Variants in APTX observed in about 807,000 individuals in gnomAD.
APTX encodes aprataxin, also known as forkhead-associated domain histidine triad-like protein.
A neutral mutation model predicts 42.3 loss-of-function variants in APTX; 33 were observed. The observed-to-expected ratio is 0.78, with a 90% confidence interval of 0.59 to 1.04. APTX has a LOEUF of 1.04. APTX is among the 50% of genes least tolerant of loss of function. The pLI is 0.00. For missense variants in APTX, 421 were observed against 415.1 expected, an observed-to-expected ratio of 1.01 and a Z score of -0.12; for synonymous variants, 130 against 146.7, an observed-to-expected ratio of 0.89 and a Z score of 0.82.
At chr9:32,973,711 C>CAAAAAAAAAAAA (rs34659850) in intron 7 of APTX, 59 bp from the exon 8 acceptor site, 28 of 1,331,872 alleles carry the variant, frequency 2.1e-5, no homozygotes, top group African/African-American at 1.3e-4. Flanking sequence ...TATGAGATAC[C>CAAAAAAAAAAAA]AAAAAAAAAA....
intron 1 of APTX, among the ~76,000 whole-genome samples, chr9:32,993,068 A>G (rs1372391017): frequency 1.3e-5 from 2 of 152,210 alleles, no homozygotes; most frequent in Non-Finnish European, 2.9e-5. Context: ...CATACTGACA[A>G]TAAGAGAAGC....
chr9:32,989,730 G>A (rs748101403), intron 2 of APTX, 29 bp downstream of exon 2: 1 of 1,614,122 alleles, frequency 6.2e-7, no homozygotes, highest in Non-Finnish European at 8.5e-7. Context: ...CATAACCATA[G>A]TAATCTCCAC....
upstream of APTX, among the ~76,000 whole-genome samples, chr9:33,004,845 T>G (rs936407083): frequency 6.6e-6 from 1 of 151,776 alleles, no homozygotes; most frequent in African/African-American, 2.4e-5. Flanking sequence ...TTTCACCATA[T>G]TGGCCAGGCT....
chr9:32,985,326 G>GTTTTTTTTTT (rs5897530), intron 5 of APTX, among the ~76,000 whole-genome samples: 1 of 103,078 alleles, frequency 9.7e-6, no homozygotes, highest in Non-Finnish European at 1.9e-5. Flanking sequence ...GATGATGCCT[G>GTTTTTTTTTT]TTTTTTTTTT....
At chr9:32,992,510 C>G (rs1240809120) in intron 1 of APTX, among the ~76,000 whole-genome samples, 2 of 152,158 alleles carry the variant, frequency 1.3e-5, no homozygotes, top group African/African-American at 4.8e-5. Flanking sequence ...AGTGACAACA[C>G]AGATTTCGGC....
chr9:33,020,911 C>T (rs2119319857), intron 1 of APTX, among the ~76,000 whole-genome samples: 1 of 152,278 alleles, frequency 6.6e-6, no homozygotes, highest in East Asian at 1.9e-4. Flanking sequence ...GGGCAGATCA[C>T]CTGAGGTTGG....
chr9:33,005,817 T>A (rs916000739), upstream of APTX, among the ~76,000 whole-genome samples: 1 of 152,182 alleles, frequency 6.6e-6, no homozygotes, highest in Admixed American at 6.5e-5. Flanking sequence ...AACAATATCA[T>A]TTGTTGAAAA....
intron 1 of APTX, among the ~76,000 whole-genome samples, chr9:33,000,842 T>TTC (rs1244891968): frequency 1.2e-4 from 14 of 119,980 alleles, no homozygotes; most frequent in South Asian, 4.9e-4. Context: ...TTTTTTTTTT[T>TTC]TTCTTTTTTT....
chr9:32,973,702 A>G, intron 7 of APTX, 50 bp from the exon 8 acceptor site: 1 of 1,545,488 alleles, frequency 6.5e-7, no homozygotes, highest in Non-Finnish European at 8.7e-7. Context: ...GAAAACCAAT[A>G]TGAGATACCA....
rs1828373649 is a variant in APTX, at chr9:32,972,848, A to G, written c.*650T>C. 1 of 454,014 alleles carries G rather than the reference A, an allele frequency of 2.2e-6. No individual in the cohort carries two copies. The allele number at this position is 454,014 out of a possible 1,614,324, so 28.1% of individuals were successfully genotyped here. Reference sequence around the variant, plus strand: ...GACGAACATGTGGCTGTTTCCTCACAGCCAGGAACCCTCGGTATTAGAAGA... The same window carrying G: ...GACGAACATGTGGCTGTTTCCTCACGGCCAGGAACCCTCGGTATTAGAAGA... On this transcript the variant is annotated 3_prime_UTR_variant, in exon 8 of 8. Transcript: ENST00000379817.
intron 1 of APTX, among the ~76,000 whole-genome samples, chr9:33,020,489 C>T (rs747529235): frequency 6.6e-6 from 1 of 152,188 alleles, no homozygotes; most frequent in Non-Finnish European, 1.5e-5. Flanking sequence ...AAGAATCCAA[C>T]CTTCGCATTA....
chr9:33,021,401 A>C (rs1370447705), intron 1 of APTX, among the ~76,000 whole-genome samples: 2 of 152,238 alleles, frequency 1.3e-5, no homozygotes, highest in Non-Finnish European at 2.9e-5. Context: ...TTTGGGGGGA[A>C]TCTGCCAGAA....
chr9:33,015,219 A>G (rs1359111691), intron 1 of APTX, among the ~76,000 whole-genome samples: 1 of 152,230 alleles, frequency 6.6e-6, no homozygotes, highest in Non-Finnish European at 1.5e-5. Context: ...TTCAATGTTT[A>G]TAATACATTA....
chr9:32,994,092 A>C lies in APTX; in HGVS notation c.-4-4197T>G, dbSNP rs1888868. Among the ~76,000 whole-genome samples, 8 of 152,336 alleles carry C rather than the reference A, an allele frequency of 5.3e-5. No individual in the cohort carries two copies. In the South Asian group the frequency reaches 6.2e-4, roughly 12 times the overall value. ...ATTCTGATTATTCCTTAAAGAACTC[A>C]AGTGATCTGATAGACCACACAAGGC... On this transcript the variant is annotated intron_variant, in intron 1 of 7. Transcript: ENST00000379817.
intron 1 of APTX, among the ~76,000 whole-genome samples, chr9:33,023,393 G>T (rs1838556989): frequency 1.3e-5 from 2 of 151,640 alleles, no homozygotes; most frequent in African/African-American, 4.8e-5. Flanking sequence ...CTGGCTAATT[G>T]TTTCTATTTT....
At chr9:33,010,270 T>A (rs1422287749) in intron 1 of APTX, among the ~76,000 whole-genome samples, 1 of 152,056 alleles carries the variant, frequency 6.6e-6, no homozygotes, top group Admixed American at 6.6e-5. Flanking sequence ...GATACCCACA[T>A]CCCACAGTCT....
chr9:32,974,573 A>AG lies in APTX; in HGVS notation c.771-13_771-12insC. ...GAAGATGTACATGGCTAGTTGAAAGAAAAAAAAACTGAGCATTAAACTCTT... is the reference window on the plus strand; with the variant it reads ...GAAGATGTACATGGCTAGTTGAAAGAGAAAAAAAACTGAGCATTAAACTCTT... On this transcript the variant is annotated splice_polypyrimidine_tract_variant and intron_variant, in intron 6 of 7. Coordinates refer to ENST00000379817, the MANE Select transcript of APTX (RefSeq NM_001195248.2). The AG allele has an allele frequency of 7.3e-7, 1 of 1,363,936 alleles. No individual in the cohort carries two copies. The highest frequency in any genetic ancestry group is 9.8e-7 in the Non-Finnish European group (1 of 1,017,204). 84.5% of individuals were successfully genotyped at this position (1,363,936 alleles called of 1,614,324 possible). A position where few individuals can be genotyped will look rare whatever the true frequency, so the allele number is the denominator to read the frequency against.
At chr9:32,983,877 A>G (rs1225355003) in intron 6 of APTX, among the ~76,000 whole-genome samples, 1 of 152,146 alleles carries the variant, frequency 6.6e-6, no homozygotes, top group Non-Finnish European at 1.5e-5. Flanking sequence ...TTATTATTTA[A>G]GGTACAGAGT....
chr9:33,001,251 C>A, intron 1 of APTX: 1 of 1,377,776 alleles, frequency 7.3e-7, no homozygotes, highest in Non-Finnish European at 9.5e-7. Flanking sequence ...CTGCCCTTCC[C>A]GACAAGCTGG....
Sources: allele counts gnomAD v4.1 joint callset (sites outside exome capture counted in the v4.1 genomes callset), GRCh38; gene constraint gnomAD v4.1.1; transcripts MANE v1.5; gene names NCBI Gene and HGNC (gene_info 2026-07-23, HGNC 2026-07-21).